HERC6: variants seen among roughly 807,000 people sequenced by gnomAD.
HERC6 encodes the protein HECT and RLD domain containing E3 ubiquitin protein ligase family member 6.
Under a neutral mutation model 114.5 loss-of-function variants are expected in HERC6, and 101 were observed. That is an observed-to-expected ratio of 0.88 (90% CI 0.75 to 1.04). HERC6 has a LOEUF of 1.04. HERC6 is among the 50% of genes least tolerant of loss of function. The probability of loss-of-function intolerance (pLI) is 0.00; values close to 1 mark genes in which losing one functional copy is unlikely to be tolerated. For missense variants in HERC6, 1,133 were observed against 1,230.9 expected, an observed-to-expected ratio of 0.92 and a Z score of 1.19; for synonymous variants, 408 against 436.2, an observed-to-expected ratio of 0.94 and a Z score of 0.81.
chr4:88,390,551 C>A, intron 3 of HERC6, 101 bp from the exon 4 acceptor site: 1 of 1,039,430 alleles, frequency 9.6e-7, no homozygotes, highest in Non-Finnish European at 1.4e-6. Flanking sequence ...GTCAATTATC[C>A]CTCATTAAAG....
At chr4:88,389,670 G>A (rs1734786924) in intron 3 of HERC6, among the ~76,000 whole-genome samples, 1 of 152,042 alleles carries the variant, frequency 6.6e-6, no homozygotes, top group Admixed American at 6.6e-5. Flanking sequence ...AGGTGACCTG[G>A]ACCGCCCCGC....
chr4:88,400,569 A>G (rs1224664153), intron 8 of HERC6, among the ~76,000 whole-genome samples: 1 of 152,204 alleles, frequency 6.6e-6, no homozygotes, highest in East Asian at 1.9e-4. Flanking sequence ...TGGTCTAAAA[A>G]TATTAAATGG....
At position 88,424,654 on chromosome 4, in the gene HERC6, G is replaced by A. The variant is rs766666332; in HGVS notation, c.1887G>A (p.Ser629=). The A allele has an allele frequency of 1.4e-5, 22 of 1,611,256 alleles. No individual in the cohort carries two copies. The highest frequency in any genetic ancestry group is 1.6e-4 in the Middle Eastern group (1 of 6,064). The change falls in exon 15 of 23, where the codon TCG becomes TCA. Residue 629 remains serine (S), a synonymous_variant. Coordinates refer to ENST00000264346, the MANE Select transcript of HERC6 (RefSeq NM_017912.4). The part of the protein sequence containing the change: ...IFSDFPFIFN[S]LSKIKLLQAD... The stretch of plus-strand genomic sequence containing the variant: ...GTGATTTTCCATTTATCTTTAATTC[G>A]CTATCCAAAATTAAATTATTGCAAG...
chr4:88,388,171 G>A (rs529699002), intron 3 of HERC6, among the ~76,000 whole-genome samples: 91 of 152,090 alleles, frequency 6.0e-4, no homozygotes, highest in African/African-American at 2.0e-3. Context: ...GGTGGCTCAC[G>A]CCTGTAATCC....
intron 3 of HERC6, among the ~76,000 whole-genome samples, chr4:88,386,458 G>C (rs1000296955): frequency 6.6e-6 from 1 of 151,950 alleles, no homozygotes; most frequent in Non-Finnish European, 1.5e-5. Context: ...CACCTGCCTT[G>C]GTCTCCCAAA....
chr4:88,406,729 G>A (rs1303783592), intron 10 of HERC6, among the ~76,000 whole-genome samples: 6 of 151,968 alleles, frequency 3.9e-5, no homozygotes, highest in African/African-American at 7.2e-5. Flanking sequence ...ATCTAGCAAG[G>A]AGAAAATCTT....
rs777038107 is a variant in HERC6 at position 88,390,845 on chromosome 4, C to G, written c.630C>G (p.Ala210=). 2.5e-6 allele frequency: 4 copies of G among 1,613,768 alleles called. No homozygotes were observed. In the South Asian group the frequency reaches 4.4e-5, roughly 18 times the overall value. ...GTSFGWGSNS[A]GQLALSGRNV... Reference sequence around the variant, plus strand: ...CGTTTGGCTGGGGAAGTAACAGTGCCGGGCAGCTGGCCCTCAGTGGGCGTA... The same window carrying G: ...CGTTTGGCTGGGGAAGTAACAGTGCGGGGCAGCTGGCCCTCAGTGGGCGTA... Residue 210 remains alanine (A), a synonymous_variant, in exon 4 of 23, where the codon GCC becomes GCG. Coordinates refer to ENST00000264346, the MANE Select transcript of HERC6 (RefSeq NM_017912.4).
chr4:88,432,845 C>CA (rs1398845379), intron 17 of HERC6, among the ~76,000 whole-genome samples: 1 of 151,898 alleles, frequency 6.6e-6, no homozygotes, highest in Non-Finnish European at 1.5e-5. Context: ...CTTAAAGTAA[C>CA]AAAAAAATTG....
At chr4:88,396,452 C>T (rs2148882222) in intron 6 of HERC6, among the ~76,000 whole-genome samples, 1 of 152,182 alleles carries the variant, frequency 6.6e-6, no homozygotes, top group Middle Eastern at 3.4e-3. Flanking sequence ...GTAAATTAAT[C>T]TCATGCATGC....
At chr4:88,405,066 A>G in intron 9 of HERC6, 69 bp downstream of exon 9, 2 of 1,558,762 alleles carry the variant, frequency 1.3e-6, no homozygotes, top group Non-Finnish European at 1.7e-6. Context: ...TTATCCTAAG[A>G]TAGAGGTTTT....
intron 13 of HERC6, among the ~76,000 whole-genome samples, chr4:88,418,122 G>A (rs1212498724): frequency 6.6e-6 from 1 of 152,084 alleles, no homozygotes; most frequent in Non-Finnish European, 1.5e-5. Context: ...ATGACAGAAA[G>A]CAGAATGGTG....
At chr4:88,391,002 GC>G in intron 4 of HERC6, 123 bp downstream of exon 4, 2 of 716,526 alleles carry the variant, frequency 2.8e-6, no homozygotes, top group Non-Finnish European at 4.5e-6. Flanking sequence ...CATTCGAATA[GC>G]CTAGGGAGCT....
intron 1 of HERC6, among the ~76,000 whole-genome samples, chr4:88,380,353 AATAT>A (rs1294254998): frequency 2.8e-5 from 1 of 35,298 alleles, no homozygotes; most frequent in Middle Eastern, 8.9e-3. Context: ...ATATAATATA[AATAT>A]ATATATAATA....
chr4:88,381,693 G>A (rs1388702479), intron 1 of HERC6, among the ~76,000 whole-genome samples: 1 of 151,610 alleles, frequency 6.6e-6, no homozygotes, highest in Non-Finnish European at 1.5e-5. Context: ...AAGTAGCAGG[G>A]ATTACAGGCA....
chr4:88,400,622 T>G (rs1054512199), intron 8 of HERC6, among the ~76,000 whole-genome samples: 14 of 152,212 alleles, frequency 9.2e-5, no homozygotes, highest in Non-Finnish European at 2.9e-5. Context: ...AATGACATGT[T>G]CTGGGTGGCA....
intron 16 of HERC6, 48 bp downstream of exon 16, chr4:88,428,798 G>A (rs2148979343): frequency 1.4e-6 from 2 of 1,388,904 alleles, no homozygotes; most frequent in East Asian, 2.6e-5. Flanking sequence ...TGGGAGGGAT[G>A]CATTCATATG....
chr4:88,439,777 C>A, intron 20 of HERC6, 97 bp from the exon 21 acceptor site: 1 of 1,172,546 alleles, frequency 8.5e-7, no homozygotes, highest in Non-Finnish European at 1.1e-6. Flanking sequence ...ACTTTTCCTT[C>A]TCAATAGAAA....
chr4:88,379,258 C>T (rs1734035369), intron 1 of HERC6, 138 bp downstream of exon 1: 2 of 678,822 alleles, frequency 2.9e-6, no homozygotes, highest in East Asian at 3.1e-5. Flanking sequence ...CAGGGAGCGG[C>T]TCAGATGCTG....
chr4:88,383,408 TA>T, intron 2 of HERC6, 28 bp downstream of exon 2: 1 of 1,455,030 alleles, frequency 6.9e-7, no homozygotes, highest in Middle Eastern at 1.8e-4. Flanking sequence ...CTCCTTCATT[TA>T]TTCAATATAT....
Sources: allele counts gnomAD v4.1 joint callset (sites outside exome capture counted in the v4.1 genomes callset), GRCh38; gene constraint gnomAD v4.1.1; transcripts MANE v1.5; gene names NCBI Gene and HGNC (gene_info 2026-07-23, HGNC 2026-07-21).